The following GPHN variants were observed in gnomAD, a reference collection of about 807,000 sequenced individuals.
GPHN encodes gephyrin.
A neutral mutation model predicts 95.5 loss-of-function variants in GPHN; 17 were observed. The observed-to-expected ratio is 0.18, with a 90% confidence interval of 0.12 to 0.27. The LOEUF is 0.27. Ranked by LOEUF, GPHN falls within the 10% of genes least tolerant of loss-of-function variation. The pLI is 1.00. For synonymous variants in GPHN, 320 were observed against 322.5 expected (o/e 0.99, Z 0.08); for missense variants, 660 against 978.1 (o/e 0.67, Z 4.34).
intron 1 of GPHN, among the ~76,000 whole-genome samples, chr14:66,524,498 T>C (rs2058607813): frequency 6.6e-6 from 1 of 152,138 alleles, no homozygotes. Context: ...ATTTAGTTTT[T>C]TAAAAAATTA....
the GPHN span, chr14:67,729,210 CGCA>C: frequency 3.7e-6 from 6 of 1,612,630 alleles, no homozygotes; most frequent in Non-Finnish European, 4.2e-6. Context: ...TCACCACCTA[CGCA>C]GTGCACCCAG....
At chr14:66,797,619 T>G (rs1464165630) in intron 3 of GPHN, among the ~76,000 whole-genome samples, 3 of 151,950 alleles carry the variant, frequency 2.0e-5, no homozygotes, top group African/African-American at 7.2e-5. Context: ...TTTTATTTAT[T>G]TTTCAGATTG....
the GPHN span, chr14:67,302,468 G>A: frequency 1.3e-6 from 2 of 1,599,552 alleles, no homozygotes; most frequent in Non-Finnish European, 8.5e-7. Context: ...GTAAAAGGGG[G>A]TGCTGCAGAG....
the GPHN span, among the ~76,000 whole-genome samples, chr14:67,728,390 C>T: frequency 6.6e-6 from 1 of 152,188 alleles, no homozygotes; most frequent in Non-Finnish European, 1.5e-5. Context: ...AAGACAGGCA[C>T]TGACAGATTA....
At chr14:67,411,145 A>G in the GPHN span, among the ~76,000 whole-genome samples, 6 of 151,542 alleles carry the variant, frequency 4.0e-5, no homozygotes, top group Non-Finnish European at 1.5e-5. Context: ...TCAAAAAAAA[A>G]AAAAAAAAAA....
the GPHN span, chr14:67,381,763 T>C: frequency 4.1e-6 from 1 of 245,348 alleles, no homozygotes. Flanking sequence ...TCTTTGTTTC[T>C]TTTTTTTTTT....
chr14:67,497,937 A>G, the GPHN span, among the ~76,000 whole-genome samples: 12 of 152,046 alleles, frequency 7.9e-5, no homozygotes, highest in Non-Finnish European at 1.6e-4. Context: ...ATATTAGAAT[A>G]CATAATGATG....
chr14:67,711,791 C>T, the GPHN span, among the ~76,000 whole-genome samples: 1 of 152,008 alleles, frequency 6.6e-6, no homozygotes, highest in Non-Finnish European at 1.5e-5. Context: ...AAATTTACAC[C>T]ATAAGGTACA....
chr14:67,056,974 C>T (rs1264310180), intron 10 of GPHN, among the ~76,000 whole-genome samples: 5 of 152,206 alleles, frequency 3.3e-5, no homozygotes, highest in Admixed American at 6.5e-5. Flanking sequence ...AAGCCCCTCA[C>T]TGCAGGGCCC....
At chr14:66,510,213 A>C (rs1027881082) in intron 1 of GPHN, among the ~76,000 whole-genome samples, 1 of 152,220 alleles carries the variant, frequency 6.6e-6, no homozygotes, top group African/African-American at 2.4e-5. Flanking sequence ...CAAAGTGTAT[A>C]TCTTTTATCT....
the GPHN span, among the ~76,000 whole-genome samples, chr14:67,468,534 C>T: frequency 6.6e-6 from 1 of 152,148 alleles, no homozygotes; most frequent in Non-Finnish European, 1.5e-5. Context: ...CATTTCTCTC[C>T]ACCTAGTGTT....
intron 4 of GPHN, among the ~76,000 whole-genome samples, chr14:66,876,621 A>G (rs925868255): frequency 1.1e-4 from 17 of 152,204 alleles, no homozygotes; most frequent in Admixed American, 1.0e-3. Flanking sequence ...AAATACCTCT[A>G]TGCAAATAAA....
At chr14:67,157,795 T>G (rs2081691501) in intron 18 of GPHN, among the ~76,000 whole-genome samples, 1 of 148,006 alleles carries the variant, frequency 6.8e-6, no homozygotes. Flanking sequence ...GCCACTGCAC[T>G]CCAGCCTGGG....
intron 4 of GPHN, among the ~76,000 whole-genome samples, chr14:66,827,149 G>T (rs2061415190): frequency 1.3e-5 from 2 of 152,094 alleles, no homozygotes; most frequent in Admixed American, 1.3e-4. Context: ...GCTGGGCATG[G>T]TGGCACACGC....
At chr14:67,578,004 C>T in the GPHN span, 2 of 1,608,006 alleles carry the variant, frequency 1.2e-6, no homozygotes, top group African/African-American at 2.7e-5. This position sits in a 1 kb window ranked among gnomAD's most constrained non-coding sequence, Gnocchi z 5.0. Flanking sequence ...TGCCTGTGCT[C>T]ACTGCTGTTC....
chr14:66,540,728 G>A (rs1288081064), intron 1 of GPHN, among the ~76,000 whole-genome samples: 2 of 152,062 alleles, frequency 1.3e-5, no homozygotes, highest in African/African-American at 4.8e-5. Context: ...GTAGTCCCAC[G>A]CTTACTATAA....
intron 21 of GPHN, among the ~76,000 whole-genome samples, chr14:67,179,077 G>A (rs1045757588): frequency 6.6e-6 from 1 of 152,082 alleles, no homozygotes; most frequent in African/African-American, 2.4e-5. Context: ...CCAACCCCTA[G>A]ACTTCCTGTA....
chr14:66,840,154 C>T (rs954734190), intron 4 of GPHN, among the ~76,000 whole-genome samples: 1 of 152,124 alleles, frequency 6.6e-6, no homozygotes, highest in Admixed American at 6.6e-5. Context: ...TGACATGCCC[C>T]TGTAATCCCA....
intron 1 of GPHN, among the ~76,000 whole-genome samples, chr14:66,592,457 GAA>G (rs34846317): frequency 1.5e-4 from 16 of 106,962 alleles, no homozygotes; most frequent in African/African-American, 7.4e-4. Context: ...AAATATACAA[GAA>G]AAAAAAAAAA....
Sources: gnomAD v4.1 joint callset for allele counts (sites outside exome capture counted in the v4.1 genomes callset) on GRCh38, gnomAD v4.1.1 for gene constraint, Gnocchi (gnomAD v3.1) non-coding constraint, MANE v1.5 for transcripts, NCBI Gene and HGNC (gene_info 2026-07-23, HGNC 2026-07-21) for gene names.